The following MYLK variants were observed in gnomAD, a reference collection of about 807,000 sequenced individuals.
MYLK encodes the protein myosin light chain kinase.
In MYLK, 106 loss-of-function variants were observed where a neutral mutation model predicts 203.4. The ratio of observed to expected loss-of-function variants is 0.52; its 90% CI spans 0.45 to 0.61. MYLK has a LOEUF of 0.61. MYLK is among the 20% of genes least tolerant of loss of function. The pLI, the probability that MYLK is intolerant of heterozygous loss-of-function variation, is 0.00. For missense variants in MYLK, 2,072 were observed against 2,442.3 expected (o/e 0.85, Z 3.20); for synonymous variants, 867 against 959.5 (o/e 0.90, Z 1.78).
intron 2 of MYLK, among the ~76,000 whole-genome samples, chr3:123,864,496 CAGAT>C (rs1471244473): frequency 6.6e-6 from 1 of 151,930 alleles, no homozygotes; most frequent in Non-Finnish European, 1.5e-5. Context: ...GAAGGATGGA[CAGAT>C]AGGTGATAAA....
At chr3:123,800,889 A>G (rs2065172809) in intron 3 of MYLK, among the ~76,000 whole-genome samples, 1 of 152,158 alleles carries the variant, frequency 6.6e-6, no homozygotes, top group African/African-American at 2.4e-5. Flanking sequence ...AAAATTATTG[A>G]GGGCCCCCAG....
At chr3:123,866,225 A>G (rs922619885) in intron 2 of MYLK, among the ~76,000 whole-genome samples, 1 of 152,168 alleles carries the variant, frequency 6.6e-6, no homozygotes, top group African/African-American at 2.4e-5. Context: ...CCAGCAATTG[A>G]TGACTGGAAC....
intron 2 of MYLK, among the ~76,000 whole-genome samples, chr3:123,868,663 A>C (rs184011732): frequency 2.0e-5 from 3 of 152,336 alleles, no homozygotes; most frequent in African/African-American, 7.2e-5. Flanking sequence ...ATCTTGGACA[A>C]ATTCCTTTTA....
chr3:123,700,947 C>A lies in MYLK; in HGVS notation c.2521G>T (p.Gly841Cys), dbSNP rs1439007594. The A allele has an allele frequency of 1.2e-6, 2 of 1,610,522 alleles. No homozygotes were observed. Among genetic ancestry groups the A allele is most frequent in the South Asian group, 1.1e-5 (1 of 91,080 alleles). The stretch of plus-strand genomic sequence containing the variant: ...AGGGACCCATAGCGGTCACTACCAC[C>A]ACCATCAGCACCAACTCCTCCACCA... The part of the protein sequence containing the change: ...LCGGGVGADG[G>C]GSDRYGSLRP... Residue 841 changes from glycine (G) to cysteine (C), a missense_variant, in exon 18 of 34, where the codon GGT (glycine) becomes TGT (cysteine). Gly to Cys is a radical substitution (Grantham distance 159, BLOSUM62 -3). Transcript: ENST00000360304.
chr3:123,668,191 C>T (rs1390992073), intron 20 of MYLK, among the ~76,000 whole-genome samples: 1 of 152,182 alleles, frequency 6.6e-6, no homozygotes, highest in Non-Finnish European at 1.5e-5. Context: ...GCCATCTAAC[C>T]TATCTATCCA....
At chr3:123,672,041 C>A (rs1182555899) in intron 20 of MYLK, among the ~76,000 whole-genome samples, 7 of 152,014 alleles carry the variant, frequency 4.6e-5, no homozygotes. Context: ...TCCCCAAATT[C>A]ACATGTTGAA....
intron 5 of MYLK, among the ~76,000 whole-genome samples, chr3:123,741,898 T>C (rs1192747631): frequency 2.0e-5 from 3 of 152,214 alleles, no homozygotes; most frequent in Admixed American, 1.3e-4. Flanking sequence ...AAATGGGCTA[T>C]GATCCTCTCC....
At chr3:123,703,681 A>T (rs2061339204) in intron 16 of MYLK, among the ~76,000 whole-genome samples, 1 of 146,254 alleles carries the variant, frequency 6.8e-6, no homozygotes, top group African/African-American at 2.6e-5. Flanking sequence ...CTTGTAGAAT[A>T]ACTGTGTGAG....
At chr3:123,740,451 C>T (rs1284831474) in intron 5 of MYLK, among the ~76,000 whole-genome samples, 1 of 152,214 alleles carries the variant, frequency 6.6e-6, no homozygotes, top group Non-Finnish European at 1.5e-5. Flanking sequence ...GGGAAAGGCC[C>T]ATGCCTATCT....
chr3:123,620,059 A>C (rs2057761040), intron 32 of MYLK, 148 bp downstream of exon 32: 1 of 755,446 alleles, frequency 1.3e-6, no homozygotes. Context: ...AGTAATTGTC[A>C]GGGCAACCCA....
At chr3:123,653,019 G>T (rs1467237904) in intron 24 of MYLK, among the ~76,000 whole-genome samples, 1 of 152,170 alleles carries the variant, frequency 6.6e-6, no homozygotes, top group African/African-American at 2.4e-5. Context: ...ATGAGGGCTA[G>T]GGTACCAACA....
At chr3:123,831,736 G>A (rs890378757) in intron 2 of MYLK, 66 bp from the exon 3 acceptor site, 1 of 245,090 alleles carries the variant, frequency 4.1e-6, no homozygotes, top group Non-Finnish European at 8.4e-6. Flanking sequence ...GGATGTGGGA[G>A]CGGCTGGGAG....
At position 123,664,348 on chromosome 3, in the gene MYLK, G is replaced by A. The variant is rs1445030674; in HGVS notation, c.3832-90C>T. 22 of 1,565,556 alleles carry A rather than the reference G, an allele frequency of 1.4e-5. No individual in the cohort carries two copies. The South Asian group carries it at 2.2e-4, about 16-fold the overall frequency. On this transcript the variant is annotated intron_variant, in intron 22 of 33. Transcript: ENST00000360304. The stretch of plus-strand genomic sequence containing the variant: ...TCCTCCCCATTCCCTACTTCCTGAA[G>A]GATGCAGCTGGACAAGCTGTGGGGG...
chr3:123,614,467 G>T (rs2057354318), intron 33 of MYLK, 118 bp from the exon 34 acceptor site: 2 of 1,201,956 alleles, frequency 1.7e-6, no homozygotes, highest in Non-Finnish European at 2.4e-6. Context: ...AGAAAATTTT[G>T]ATGTTGGCCT....
At chr3:123,819,518 G>A (rs912164307) in intron 3 of MYLK, among the ~76,000 whole-genome samples, 1 of 152,142 alleles carries the variant, frequency 6.6e-6, no homozygotes, top group Admixed American at 6.5e-5. Context: ...ACTGTGGCAG[G>A]TTAACTCCTT....
intron 3 of MYLK, among the ~76,000 whole-genome samples, chr3:123,806,179 C>G (rs899306895): frequency 5.9e-5 from 9 of 152,152 alleles, no homozygotes; most frequent in African/African-American, 2.2e-4. Context: ...TTCTCAGATT[C>G]TAGGTTACTG....
intron 4 of MYLK, among the ~76,000 whole-genome samples, chr3:123,782,140 G>A (rs961935013): frequency 1.3e-5 from 2 of 152,156 alleles, no homozygotes; most frequent in Non-Finnish European, 2.9e-5. Flanking sequence ...GTGGTTTGTA[G>A]AAAGTTTAAG....
chr3:123,685,612 G>GAAAAAA (rs59215456), intron 19 of MYLK, among the ~76,000 whole-genome samples: 128 of 112,328 alleles, frequency 1.1e-3, no homozygotes, highest in African/African-American at 3.5e-3. Flanking sequence ...TCCAAAAAAT[G>GAAAAAA]AAAAAAAAAA....
chr3:123,715,751 T>C (rs753848603), intron 13 of MYLK: 2 of 152,180 alleles, frequency 1.3e-5, no homozygotes, highest in Admixed American at 1.3e-4. Context: ...ACTACAATAA[T>C]TCTCCTGTCT....
Sources: allele counts gnomAD v4.1 joint callset (sites outside exome capture counted in the v4.1 genomes callset), GRCh38; gene constraint gnomAD v4.1.1; transcripts MANE v1.5; gene names NCBI Gene and HGNC (gene_info 2026-07-23, HGNC 2026-07-21).